The following PPFIA2 variants were observed in gnomAD, a reference collection of about 807,000 sequenced individuals.
PPFIA2 encodes PPFI scaffold protein A2.
PPFIA2 carries 46 observed loss-of-function variants against 175.5 expected under a neutral mutation model. The ratio of observed to expected loss-of-function variants is 0.26; its 90% CI spans 0.21 to 0.34. PPFIA2 has a LOEUF of 0.34. Ranked by LOEUF, PPFIA2 falls within the 10% of genes least tolerant of loss-of-function variation. The pLI is 1.00. For synonymous variants in PPFIA2, 568 were observed against 511.4 expected, an observed-to-expected ratio of 1.11 and a Z score of -1.49; for missense variants, 1,179 against 1,506.1, an observed-to-expected ratio of 0.78 and a Z score of 3.60.
intron 4 of PPFIA2, among the ~76,000 whole-genome samples, chr12:81,583,900 A>G (rs900715013): frequency 2.6e-5 from 4 of 151,980 alleles, no homozygotes; most frequent in African/African-American, 9.7e-5. Flanking sequence ...GTATGTATGT[A>G]TTAATAAAAT....
chr12:81,560,597 T>G (rs4471521), intron 4 of PPFIA2, among the ~76,000 whole-genome samples: 20,585 of 152,176 alleles, frequency 0.14, 1,464 homozygotes, highest in Middle Eastern at 0.19. Flanking sequence ...TCTCAGAGAA[T>G]ACTTCTTCAG....
chr12:81,422,950 C>T (rs1224558476), intron 7 of PPFIA2, among the ~76,000 whole-genome samples: 4 of 151,968 alleles, frequency 2.6e-5, no homozygotes, highest in South Asian at 2.1e-4. Context: ...GACATTACAA[C>T]GAATGCCTAA....
At chr12:81,376,417 C>CAAAAAAA (rs34688540) in intron 9 of PPFIA2, among the ~76,000 whole-genome samples, 1 of 142,944 alleles carries the variant, frequency 7.0e-6, no homozygotes. Context: ...AAGGCCAGGC[C>CAAAAAAA]AAAAAAAAAA....
At chr12:81,521,794 T>A (rs2063176438) in intron 4 of PPFIA2, among the ~76,000 whole-genome samples, 1 of 149,494 alleles carries the variant, frequency 6.7e-6, no homozygotes, top group African/African-American at 2.5e-5. Flanking sequence ...CACTCCAGCC[T>A]GGGCGACAGA....
intron 7 of PPFIA2, among the ~76,000 whole-genome samples, chr12:81,412,921 T>C (rs1041452763): frequency 1.3e-5 from 2 of 151,912 alleles, no homozygotes; most frequent in Non-Finnish European, 2.9e-5. Context: ...ATCACACATA[T>C]AAAAAGTGCC....
intron 3 of PPFIA2, among the ~76,000 whole-genome samples, chr12:81,751,158 G>A (rs560224291): frequency 5.2e-4 from 79 of 151,908 alleles, no homozygotes; most frequent in Non-Finnish European, 1.0e-3. Flanking sequence ...GATTATCACT[G>A]TCTAAGGACC....
At chr12:81,362,566 C>G (rs921954591) in intron 15 of PPFIA2, 127 bp downstream of exon 15, 11 of 529,626 alleles carry the variant, frequency 2.1e-5, no homozygotes, top group Admixed American at 1.8e-4. Flanking sequence ...AGTGAAGAGT[C>G]AAAACATGAT....
chr12:81,351,933 AAT>A (rs1364269014), intron 17 of PPFIA2, among the ~76,000 whole-genome samples: 1 of 151,976 alleles, frequency 6.6e-6, no homozygotes, highest in Non-Finnish European at 1.5e-5. Flanking sequence ...ATTTTCATGC[AAT>A]ATGTTAATAC....
intron 7 of PPFIA2, among the ~76,000 whole-genome samples, chr12:81,414,188 G>T (rs1204657105): frequency 1.3e-5 from 2 of 151,664 alleles, no homozygotes; most frequent in Admixed American, 1.3e-4. Flanking sequence ...AAAATATTAT[G>T]CTGTAATGCC....
At chr12:81,669,085 G>A (rs1168481299) in intron 4 of PPFIA2, among the ~76,000 whole-genome samples, 1 of 151,856 alleles carries the variant, frequency 6.6e-6, no homozygotes, top group Non-Finnish European at 1.5e-5. Context: ...AAGACATACG[G>A]CATTCTAAAT....
chr12:81,408,535 C>T (rs2043328381), intron 7 of PPFIA2, among the ~76,000 whole-genome samples: 1 of 151,964 alleles, frequency 6.6e-6, no homozygotes, highest in South Asian at 2.1e-4. Flanking sequence ...TGTCCTGGTG[C>T]CTGAAATAAA....
intron 4 of PPFIA2, among the ~76,000 whole-genome samples, chr12:81,620,980 G>GA (rs2153480434): frequency 6.6e-6 from 1 of 152,292 alleles, no homozygotes; most frequent in African/African-American, 2.4e-5. Context: ...GGTGTGGAAT[G>GA]AAATGTGAGC....
At chr12:81,314,527 C>T (rs1459444114) in intron 22 of PPFIA2, among the ~76,000 whole-genome samples, 1 of 151,828 alleles carries the variant, frequency 6.6e-6, no homozygotes, top group Non-Finnish European at 1.5e-5. Context: ...ATTATGTTTT[C>T]CTTGCCAACA....
At chr12:81,711,600 A>ACCATT (rs1287504724) in intron 3 of PPFIA2, among the ~76,000 whole-genome samples, 1 of 151,296 alleles carries the variant, frequency 6.6e-6, no homozygotes, top group Non-Finnish European at 1.5e-5. Flanking sequence ...TTCTACACTT[A>ACCATT]CCATTCAGAA....
At chr12:81,569,269 T>C (rs1223846780) in intron 4 of PPFIA2, among the ~76,000 whole-genome samples, 5 of 151,566 alleles carry the variant, frequency 3.3e-5, no homozygotes, top group Middle Eastern at 3.4e-3. Context: ...TTTCTTACAA[T>C]TTGAAGAAAC....
At chr12:81,583,034 C>T (rs2074655847) in intron 4 of PPFIA2, among the ~76,000 whole-genome samples, 1 of 151,820 alleles carries the variant, frequency 6.6e-6, no homozygotes, top group African/African-American at 2.4e-5. Flanking sequence ...CCTTGAATTC[C>T]TTGCCTCCTT....
chr12:81,642,803 G>GTATACATTATATACATA (rs1567690315), intron 4 of PPFIA2, among the ~76,000 whole-genome samples: 2,737 of 16,628 alleles, frequency 0.16, 1,083 homozygotes, highest in South Asian at 0.42. Context: ...GTATATGTAT[G>GTATACATTATATACATA]TATGTATTAC....
intron 21 of PPFIA2, among the ~76,000 whole-genome samples, chr12:81,334,924 C>T (rs77880854): frequency 0.05 from 7,544 of 152,306 alleles, 256 homozygotes; most frequent in South Asian, 0.096. Context: ...CCTTAATCCA[C>T]ATCATCATAA....
intron 4 of PPFIA2, among the ~76,000 whole-genome samples, chr12:81,482,611 A>T (rs1004835984): frequency 6.6e-6 from 1 of 152,152 alleles, no homozygotes; most frequent in South Asian, 2.1e-4. Flanking sequence ...GCTGGAAACC[A>T]TCATTCTCAG....
Sources: gnomAD v4.1 joint callset for allele counts (sites outside exome capture counted in the v4.1 genomes callset) on GRCh38, gnomAD v4.1.1 for gene constraint, MANE v1.5 for transcripts, NCBI Gene and HGNC (gene_info 2026-07-23, HGNC 2026-07-21) for gene names.